SUSD1: variants seen among roughly 807,000 people sequenced by gnomAD.
The protein encoded by SUSD1 is sushi domain containing 1.
In SUSD1, 65 loss-of-function variants were observed where a neutral mutation model predicts 86.9. The ratio of observed to expected loss-of-function variants is 0.75; its 90% confidence interval spans 0.61 to 0.92. SUSD1 has a LOEUF of 0.92. Ranked by LOEUF, SUSD1 falls within the 40% of genes least tolerant of loss-of-function variation. The pLI is 0.00. For missense variants in SUSD1, 850 were observed against 929.7 expected (o/e 0.91, Z 1.11); for synonymous variants, 346 against 350.0 (o/e 0.99, Z 0.13).
At chr9:112,159,533 A>G (rs1213003247) in intron 1 of SUSD1, among the ~76,000 whole-genome samples, 1 of 152,246 alleles carries the variant, frequency 6.6e-6, no homozygotes, top group African/African-American at 2.4e-5. Context: ...ACAAATTCCA[A>G]ACAAGTAAAA....
chr9:112,071,685 G>A (rs1012242649), intron 12 of SUSD1, among the ~76,000 whole-genome samples: 2 of 152,172 alleles, frequency 1.3e-5, no homozygotes, highest in South Asian at 2.1e-4. Context: ...ACTAAGCAAC[G>A]TCTCCAACTT....
intron 13 of SUSD1, among the ~76,000 whole-genome samples, chr9:112,059,159 A>T (rs1382307045): frequency 2.0e-5 from 3 of 152,136 alleles, no homozygotes; most frequent in Non-Finnish European, 4.4e-5. Flanking sequence ...CCCATGTGGG[A>T]TTTACAGTCT....
At chr9:112,154,349 A>G (rs1468196654) in intron 2 of SUSD1, among the ~76,000 whole-genome samples, 53 of 151,420 alleles carry the variant, frequency 3.5e-4, no homozygotes, top group Admixed American at 7.3e-4. Context: ...AAAAAAAAAA[A>G]AAAGAGAGAG....
At chr9:112,124,525 A>T (rs1399400654) in intron 5 of SUSD1, 89 bp from the exon 6 acceptor site, 9 of 1,265,684 alleles carry the variant, frequency 7.1e-6, no homozygotes, top group Non-Finnish European at 9.6e-6. Context: ...TAATAGTGAT[A>T]GAGGCCACTC....
In SUSD1 at chr9:112,119,402, G is replaced by C. The variant is rs537385229; in HGVS notation, c.886+4855C>G. 2.6e-5 allele frequency among the ~76,000 whole-genome samples: 4 copies of C among 152,298 alleles called. No homozygotes were observed. The South Asian group carries it at 6.2e-4, about 24-fold the overall frequency. On this transcript the variant is annotated intron_variant, in intron 6 of 16. Transcript: ENST00000374270. ...CTGCAACTGAGCACCCAGTGGGCTG[G>C]AGAAGAGGGTCACCAGCCAAACAGA...
intron 10 of SUSD1, among the ~76,000 whole-genome samples, chr9:112,084,184 A>G (rs10981251): frequency 0.14 from 20,668 of 152,198 alleles, 1,755 homozygotes; most frequent in East Asian, 0.24. Context: ...TAATATATAC[A>G]AGCATATTAA....
chr9:112,125,016 A>T (rs1395917378), intron 5 of SUSD1, among the ~76,000 whole-genome samples: 2 of 152,216 alleles, frequency 1.3e-5, no homozygotes, highest in Non-Finnish European at 2.9e-5. Context: ...AACTATCTAC[A>T]GGTAAAAGAT....
chr9:112,104,371 A>G (rs946340362), intron 8 of SUSD1, among the ~76,000 whole-genome samples: 1 of 151,938 alleles, frequency 6.6e-6, no homozygotes. Flanking sequence ...AAAATAGTAT[A>G]TATACTACTA....
At chr9:112,165,289 C>T (rs1833733223) in intron 1 of SUSD1, among the ~76,000 whole-genome samples, 1 of 151,894 alleles carries the variant, frequency 6.6e-6, no homozygotes, top group African/African-American at 2.4e-5. Context: ...AGTATTTATC[C>T]TCTGTATTAT....
chr9:112,047,041 A>C (rs1311946790), intron 15 of SUSD1, among the ~76,000 whole-genome samples: 1 of 152,102 alleles, frequency 6.6e-6, no homozygotes, highest in African/African-American at 2.4e-5. Flanking sequence ...CCCTTCTCAC[A>C]CTGCTATAAA....
At chr9:112,124,508 A>G in intron 5 of SUSD1, 72 bp from the exon 6 acceptor site, 1 of 1,443,400 alleles carries the variant, frequency 6.9e-7, no homozygotes, top group Non-Finnish European at 9.3e-7. Context: ...TCTTTAAAAT[A>G]AATATTTAAT....
intron 9 of SUSD1, among the ~76,000 whole-genome samples, chr9:112,099,747 C>T (rs979347660): frequency 6.6e-6 from 1 of 152,202 alleles, no homozygotes; most frequent in East Asian, 1.9e-4. Context: ...CTATACCACC[C>T]TCAATCCCTC....
chr9:112,151,845 C>T (rs1833060373), intron 2 of SUSD1, among the ~76,000 whole-genome samples: 1 of 151,332 alleles, frequency 6.6e-6, no homozygotes. Context: ...CAAGACCAGC[C>T]TCAACATGGA....
rs187391424 is a variant in SUSD1 at position 112,067,930 on chromosome 9, A to C, written c.1754-4897T>G. ...AAATAGCTTTGGGGTAGAAACCCTC[A>C]ATCTCAAATTATAATAAATAAAAAC... On this transcript the variant is annotated intron_variant, in intron 12 of 16. Transcript: ENST00000374270. 3.3e-5 allele frequency among the ~76,000 whole-genome samples: 5 copies of C among 152,280 alleles called. No homozygotes were observed. The East Asian group carries it at 9.6e-4, about 29-fold the overall frequency.
intron 1 of SUSD1, among the ~76,000 whole-genome samples, chr9:112,159,885 A>G (rs1554775781): frequency 6.6e-6 from 1 of 152,184 alleles, no homozygotes; most frequent in Non-Finnish European, 1.5e-5. Flanking sequence ...CCTAGTGATA[A>G]TTAGTGGTTT....
intron 15 of SUSD1, among the ~76,000 whole-genome samples, chr9:112,048,737 G>C (rs1453457245): frequency 6.6e-6 from 1 of 152,178 alleles, no homozygotes; most frequent in African/African-American, 2.4e-5. Flanking sequence ...AATTTAAAAA[G>C]CTTCAGGGAA....
intron 9 of SUSD1, among the ~76,000 whole-genome samples, chr9:112,100,708 T>G (rs1830596341): frequency 6.6e-6 from 1 of 151,766 alleles, no homozygotes; most frequent in Non-Finnish European, 1.5e-5. Context: ...GGGGCATGCC[T>G]GGAATCCCAG....
At chr9:112,134,937 G>T (rs187439263) in intron 5 of SUSD1, among the ~76,000 whole-genome samples, 1 of 151,824 alleles carries the variant, frequency 6.6e-6, no homozygotes, top group East Asian at 1.9e-4. Context: ...TGTGAGGCAG[G>T]CGCCTGTAAT....
intron 1 of SUSD1, among the ~76,000 whole-genome samples, chr9:112,161,989 T>C (rs1473995828): frequency 6.6e-6 from 1 of 152,176 alleles, no homozygotes; most frequent in Non-Finnish European, 1.5e-5. Flanking sequence ...TGGTAAAATT[T>C]TGCCTTATGT....
Sources: gnomAD v4.1 joint callset for allele counts (sites outside exome capture counted in the v4.1 genomes callset) on GRCh38, gnomAD v4.1.1 for gene constraint, MANE v1.5 for transcripts, NCBI Gene and HGNC (gene_info 2026-07-23, HGNC 2026-07-21) for gene names.